Variants in RALGAPA1 observed in about 807,000 individuals in gnomAD.
The protein encoded by RALGAPA1 is ral GTPase-activating protein subunit alpha-1.
A neutral mutation model predicts 269.6 loss-of-function variants in RALGAPA1; 52 were observed. That is an observed-to-expected ratio of 0.19 (90% CI 0.15 to 0.24). RALGAPA1 has a LOEUF of 0.24. Ranked by LOEUF, RALGAPA1 falls within the 10% of genes least tolerant of loss-of-function variation. The pLI, the probability that RALGAPA1 is intolerant of heterozygous loss-of-function variation, is 1.00. For missense variants in RALGAPA1, 1,917 were observed against 3,013.9 expected (o/e 0.64, Z 8.52); for synonymous variants, 817 against 1,008.3 (o/e 0.81, Z 3.60).
intron 26 of RALGAPA1, among the ~76,000 whole-genome samples, chr14:35,666,894 T>C (rs2063992169): frequency 6.6e-6 from 1 of 152,178 alleles, no homozygotes; most frequent in African/African-American, 2.4e-5. Context: ...AGTAAATTAA[T>C]AAAAAATGAC....
chr14:35,729,412 G>C (rs116111025), intron 12 of RALGAPA1, among the ~76,000 whole-genome samples: 2,371 of 152,194 alleles, frequency 0.016, 50 homozygotes, highest in African/African-American at 0.052. Context: ...ATAAAAAAAA[G>C]TATATACATA....
At chr14:35,674,909 T>C (rs565807049) in intron 22 of RALGAPA1, among the ~76,000 whole-genome samples, 200 bp from the exon 23 acceptor site, 44 of 152,320 alleles carry the variant, frequency 2.9e-4, no homozygotes, top group African/African-American at 8.9e-4. Context: ...GTAAGCATTA[T>C]GTTAACTAGC....
chr14:35,571,663 G>C (rs1009256941), intron 38 of RALGAPA1, among the ~76,000 whole-genome samples: 2 of 152,096 alleles, frequency 1.3e-5, no homozygotes, highest in Admixed American at 6.5e-5. Context: ...GACAGAGCGA[G>C]AGCCAGACTC....
chr14:35,668,569 G>T (rs1306906614), intron 26 of RALGAPA1, among the ~76,000 whole-genome samples: 1 of 152,074 alleles, frequency 6.6e-6, no homozygotes, highest in Non-Finnish European at 1.5e-5. Context: ...AGGCAGGGAG[G>T]ATTACTTGAG....
At chr14:35,724,024 T>C (rs1434150737) in intron 14 of RALGAPA1, 2 of 152,118 alleles carry the variant, frequency 1.3e-5, no homozygotes, top group East Asian at 1.9e-4. Flanking sequence ...AGAGTTTAGG[T>C]ACAGAACTAT....
chr14:35,746,666 A>G (rs1215899705), intron 10 of RALGAPA1, among the ~76,000 whole-genome samples: 1 of 152,162 alleles, frequency 6.6e-6, no homozygotes, highest in Admixed American at 6.5e-5. Context: ...TTCTAAATAG[A>G]AGATCTGAAA....
At chr14:35,737,383 C>A (rs188766429) in intron 12 of RALGAPA1, among the ~76,000 whole-genome samples, 54 of 152,222 alleles carry the variant, frequency 3.5e-4, no homozygotes, top group Non-Finnish European at 2.6e-4. Context: ...TATTAATGTA[C>A]AAATCCTACA....
intron 7 of RALGAPA1, among the ~76,000 whole-genome samples, chr14:35,754,854 G>A (rs1385526672): frequency 2.6e-5 from 4 of 152,086 alleles, no homozygotes; most frequent in Admixed American, 1.3e-4. Flanking sequence ...GCTATAAAAG[G>A]AGCAAACTGC....
rs796052176 is a variant in RALGAPA1, at chr14:35,549,217, C to T, written c.7514G>A (p.Arg2505Gln). 1.1e-5 allele frequency: 17 copies of T among 1,610,904 alleles called. No individual in the cohort carries two copies. The highest frequency in any genetic ancestry group is 5.0e-5 in the Admixed American group (3 of 59,900). The change falls in exon 40 of 42, where the codon CGA becomes CAA. Residue 2505 changes from arginine (R) to glutamine (Q), a missense_variant. Coordinates refer to ENST00000680220, the MANE Select transcript of RALGAPA1 (RefSeq NM_001346249.2). ...LYQNFYEERA[R>Q]YLQTIVQHHL... ...GTGCTGGACAATTGTTTGCAGGTAT[C>T]GTGCTCTCTCCTCATAGCTGATTTC... is the stretch of plus-strand genomic sequence containing the variant.
chr14:35,613,007 A>C (rs1291803643), intron 35 of RALGAPA1, among the ~76,000 whole-genome samples: 1 of 152,198 alleles, frequency 6.6e-6, no homozygotes, highest in Non-Finnish European at 1.5e-5. Flanking sequence ...TCTGATAAAG[A>C]ACTTGTATCT....
chr14:35,709,546 T>C (rs912693247), intron 16 of RALGAPA1, among the ~76,000 whole-genome samples: 2 of 152,162 alleles, frequency 1.3e-5, no homozygotes, highest in African/African-American at 2.4e-5. Context: ...AGTGATTTCC[T>C]ATTTTCAACT....
At chr14:35,739,948 A>G (rs2071396036) in intron 11 of RALGAPA1, among the ~76,000 whole-genome samples, 1 of 152,190 alleles carries the variant, frequency 6.6e-6, no homozygotes, top group Non-Finnish European at 1.5e-5. Context: ...GTTACTGAAC[A>G]GAATCTAGTC....
chr14:35,592,576 G>A (rs1232189349), intron 37 of RALGAPA1, among the ~76,000 whole-genome samples: 1 of 152,146 alleles, frequency 6.6e-6, no homozygotes, highest in Admixed American at 6.5e-5. Context: ...TTTCTCTGAT[G>A]AACACTGATG....
chr14:35,626,892 A>G (rs2061023261), intron 34 of RALGAPA1, among the ~76,000 whole-genome samples, 198 bp downstream of exon 34: 1 of 152,054 alleles, frequency 6.6e-6, no homozygotes, highest in African/African-American at 2.4e-5. Flanking sequence ...AAATATTGAT[A>G]ATTTGCTGGA....
chr14:35,591,151 T>C (rs148293142), intron 37 of RALGAPA1, among the ~76,000 whole-genome samples: 1 of 152,318 alleles, frequency 6.6e-6, no homozygotes, highest in Non-Finnish European at 1.5e-5. Flanking sequence ...ATTTTAACAG[T>C]TGTGGACCAT....
intron 16 of RALGAPA1, among the ~76,000 whole-genome samples, chr14:35,710,917 A>C (rs1180203511): frequency 6.6e-6 from 1 of 152,208 alleles, no homozygotes; most frequent in Non-Finnish European, 1.5e-5. Context: ...GGTATGTAGT[A>C]GACTATGTCA....
chr14:35,679,932 T>C (rs1489190394), intron 21 of RALGAPA1, among the ~76,000 whole-genome samples: 1 of 152,166 alleles, frequency 6.6e-6, no homozygotes, highest in Non-Finnish European at 1.5e-5. Flanking sequence ...AAAGTTTCCT[T>C]TCCTTTATTT....
intron 11 of RALGAPA1, among the ~76,000 whole-genome samples, chr14:35,740,296 G>C (rs2071424586): frequency 6.6e-6 from 1 of 152,162 alleles, no homozygotes; most frequent in African/African-American, 2.4e-5. Context: ...TCCAACACTT[G>C]TTCTCAATGT....
intron 1 of RALGAPA1, among the ~76,000 whole-genome samples, chr14:35,788,253 C>T (rs2075933340): frequency 6.6e-6 from 1 of 151,920 alleles, no homozygotes; most frequent in South Asian, 2.1e-4. Context: ...TTACAAGCTT[C>T]AGCCACTGCA....
Sources: gnomAD v4.1 joint callset for allele counts (sites outside exome capture counted in the v4.1 genomes callset) on GRCh38, gnomAD v4.1.1 for gene constraint, MANE v1.5 for transcripts, NCBI Gene and HGNC (gene_info 2026-07-23, HGNC 2026-07-21) for gene names.